CDH13: variants seen among roughly 807,000 people sequenced by gnomAD.
The protein encoded by CDH13 is cadherin 13.
CDH13 carries 24 observed loss-of-function variants against 63.8 expected under a neutral mutation model. The ratio of observed to expected loss-of-function variants is 0.38; its 90% confidence interval spans 0.27 to 0.53. CDH13 has a LOEUF of 0.53. Among genes scored for constraint, CDH13 ranks in the 20% least tolerant of loss-of-function variants. The pLI, the probability that CDH13 is intolerant of heterozygous loss-of-function variation, is 0.85. For missense variants in CDH13, 1,049 were observed against 903.1 expected, an observed-to-expected ratio of 1.16 and a Z score of -2.07; for synonymous variants, 503 against 355.3, an observed-to-expected ratio of 1.42 and a Z score of -4.67.
intron 6 of CDH13, among the ~76,000 whole-genome samples, chr16:83,364,302 TC>T (rs758220827): frequency 1.3e-5 from 2 of 152,158 alleles, no homozygotes; most frequent in African/African-American, 2.4e-5. Context: ...TTCCAGGTAG[TC>T]TCTCCCTCAC....
intron 10 of CDH13, among the ~76,000 whole-genome samples, chr16:83,746,940 A>G (rs1912638675): frequency 6.6e-6 from 1 of 152,240 alleles, no homozygotes; most frequent in East Asian, 1.9e-4. Context: ...GTTTCCCATT[A>G]TCCAAAGTCA....
intron 1 of CDH13, among the ~76,000 whole-genome samples, chr16:82,727,859 A>C (rs767369835): frequency 6.6e-6 from 1 of 152,134 alleles, no homozygotes; most frequent in Non-Finnish European, 1.5e-5. Flanking sequence ...TTGCCATTCA[A>C]GTCTACAGCA....
chr16:82,915,597 C>T (rs1244472414), intron 2 of CDH13, among the ~76,000 whole-genome samples: 1 of 151,886 alleles, frequency 6.6e-6, no homozygotes, highest in Admixed American at 6.6e-5. Flanking sequence ...GGAGAGTGTA[C>T]AGCACCTAAA....
At chr16:83,578,985 G>C (rs1905291540) in intron 7 of CDH13, among the ~76,000 whole-genome samples, 1 of 152,242 alleles carries the variant, frequency 6.6e-6, no homozygotes, top group Non-Finnish European at 1.5e-5. Flanking sequence ...CTGAGTGTCT[G>C]TTCCTGTTAT....
At chr16:83,653,635 A>C (rs1278934147) in intron 8 of CDH13, among the ~76,000 whole-genome samples, 1 of 152,224 alleles carries the variant, frequency 6.6e-6, no homozygotes, top group African/African-American at 2.4e-5. Context: ...GTTGACAGGA[A>C]ACAGAACCCA....
intron 3 of CDH13, among the ~76,000 whole-genome samples, chr16:83,116,044 T>G (rs78529544): frequency 1.3e-5 from 2 of 152,308 alleles, no homozygotes; most frequent in East Asian, 3.9e-4. Context: ...CTTCCTTCAG[T>G]TGGCTGTTAG....
intron 1 of CDH13, among the ~76,000 whole-genome samples, chr16:82,669,596 C>G (rs912409067): frequency 1.3e-5 from 2 of 152,202 alleles, no homozygotes; most frequent in Non-Finnish European, 2.9e-5. Context: ...TTATAGATAA[C>G]TTATTAGACA....
intron 4 of CDH13, among the ~76,000 whole-genome samples, chr16:83,142,641 A>G (rs2036581890): frequency 6.6e-6 from 1 of 152,166 alleles, no homozygotes; most frequent in African/African-American, 2.4e-5. Context: ...TATTTGTTCA[A>G]TTGATTATGC....
At chr16:83,705,595 G>C (rs191633987) in intron 10 of CDH13, among the ~76,000 whole-genome samples, 6 of 152,314 alleles carry the variant, frequency 3.9e-5, no homozygotes, top group Admixed American at 3.9e-4. Context: ...GCACTCCAGC[G>C]TGGGGGCCAG....
chr16:83,678,387 G>A lies in CDH13; in HGVS notation c.1464G>A (p.Glu488=). The A allele has an allele frequency of 1.2e-6, 2 of 1,614,020 alleles. No individual in the cohort carries two copies. The highest frequency in any genetic ancestry group is 1.7e-6 in the Non-Finnish European group (2 of 1,179,908). The part of the protein sequence containing the change: ...YPDPMMVTRQ[E]DLSVGSVLLT... ...ACCCCATGATGGTGACCAGGCAGGA[G>A]GACCTCTCTGTGGGCAGCGTGCTGC... The change falls in exon 10 of 14, where the codon GAG becomes GAA. Residue 488 remains glutamate (E), a synonymous_variant. Transcript: ENST00000567109.
At chr16:83,563,983 A>G (rs2075749974) in intron 7 of CDH13, among the ~76,000 whole-genome samples, 1 of 152,206 alleles carries the variant, frequency 6.6e-6, no homozygotes, top group South Asian at 2.1e-4. Flanking sequence ...TATGACTGGG[A>G]TAAACAACCT....
intron 5 of CDH13, among the ~76,000 whole-genome samples, chr16:83,223,588 C>G (rs2039761999): frequency 6.6e-6 from 1 of 152,172 alleles, no homozygotes; most frequent in African/African-American, 2.4e-5. Context: ...CCTAAAAGAG[C>G]CAGGTGACTT....
chr16:83,512,680 AATAAT>A lies in CDH13; in HGVS notation c.960+26032_960+26036del, dbSNP rs1470482057. ...GAGACTCCGTCTCAATAATAATAAT[AATAAT>A]ATAATAATAATAATAGTAATAAAGA... On this transcript the variant is annotated intron_variant, in intron 7 of 13. Transcript: ENST00000567109. 4.7e-5 allele frequency among the ~76,000 whole-genome samples: 7 copies of A among 150,204 alleles called. No homozygotes were observed. The East Asian group carries it at 1.4e-3, about 29-fold the overall frequency.
At chr16:82,714,318 G>A (rs1031250515) in intron 1 of CDH13, among the ~76,000 whole-genome samples, 2 of 152,026 alleles carry the variant, frequency 1.3e-5, no homozygotes, top group Non-Finnish European at 2.9e-5. Context: ...CCCAGGATCT[G>A]TAAATGTAAC....
intron 2 of CDH13, among the ~76,000 whole-genome samples, chr16:82,929,678 A>AAAAAAAAAAAAAAAAAAAAAC (rs2042419809): frequency 6.9e-6 from 1 of 145,526 alleles, no homozygotes; most frequent in Non-Finnish European, 1.5e-5. Flanking sequence ...AAAAAAAAAA[A>AAAAAAAAAAAAAAAAAAAAAC]AAAAAGAAGA....
At chr16:82,968,436 G>A (rs561218994) in intron 2 of CDH13, among the ~76,000 whole-genome samples, 94 of 152,322 alleles carry the variant, frequency 6.2e-4, no homozygotes, top group African/African-American at 2.2e-3. Flanking sequence ...GCTGGTAGTA[G>A]GGATGAAGGG....
chr16:83,500,761 G>T (rs1262515710), intron 7 of CDH13, among the ~76,000 whole-genome samples: 2 of 150,054 alleles, frequency 1.3e-5, no homozygotes, highest in Non-Finnish European at 3.0e-5. Context: ...TTTTATTTTT[G>T]TGGAGACGGG....
chr16:83,757,251 C>A (rs930408353), intron 11 of CDH13, among the ~76,000 whole-genome samples: 1 of 152,074 alleles, frequency 6.6e-6, no homozygotes, highest in Non-Finnish European at 1.5e-5. Flanking sequence ...GAGGAAAATT[C>A]TAGAAAATAG....
intron 1 of CDH13, chr16:82,705,399 A>G (rs2031408823): frequency 7.5e-6 from 2 of 268,144 alleles, no homozygotes; most frequent in South Asian, 7.8e-5. Flanking sequence ...GCCAAGCCAC[A>G]CAATCGCCTC....
Sources: allele counts gnomAD v4.1 joint callset (sites outside exome capture counted in the v4.1 genomes callset), GRCh38; gene constraint gnomAD v4.1.1; transcripts MANE v1.5; gene names NCBI Gene and HGNC (gene_info 2026-07-23, HGNC 2026-07-21).